SYNGR1: variants seen among roughly 807,000 people sequenced by gnomAD.
SYNGR1 encodes synaptogyrin-1.
SYNGR1 carries 14 observed loss-of-function variants against 26.1 expected under a neutral mutation model. The observed-to-expected ratio is 0.54, with a 90% CI of 0.35 to 0.84. The LOEUF is 0.84. Ranked by LOEUF, SYNGR1 falls within the 40% of genes least tolerant of loss-of-function variation. The pLI is 0.01. For missense variants in SYNGR1, 319 were observed against 332.9 expected, an observed-to-expected ratio of 0.96 and a Z score of 0.33; for synonymous variants, 141 against 150.1, an observed-to-expected ratio of 0.94 and a Z score of 0.44.
intron 1 of SYNGR1, among the ~76,000 whole-genome samples, chr22:39,365,808 C>T (rs991455436): frequency 6.6e-6 from 1 of 151,878 alleles, no homozygotes; most frequent in Non-Finnish European, 1.5e-5. Context: ...CTAAACCCCA[C>T]GACTTCCTCC....
In SYNGR1 at chr22:39,382,743, G is replaced by A. The variant is rs141080074; in HGVS notation, c.*829G>A. ...CTCCCCTGGGGACAGCCCCACCTCCGGGTCCCTCCACCCACATCCCCCTGG... is the reference window on the plus strand; with the variant it reads ...CTCCCCTGGGGACAGCCCCACCTCCAGGTCCCTCCACCCACATCCCCCTGG... On this transcript the variant is annotated 3_prime_UTR_variant, in exon 4 of 4. Coordinates refer to ENST00000328933, the MANE Select transcript of SYNGR1 (RefSeq NM_004711.5). The A allele has an allele frequency of 1.1e-3, 162 of 153,116 alleles. No homozygotes were observed. The highest frequency in any genetic ancestry group is 2.0e-3 in the Admixed American group (30 of 15,306). The allele number at this position is 153,116 out of a possible 1,614,324, so 9.5% of individuals were successfully genotyped here. A position where few individuals can be genotyped will look rare whatever the true frequency, so the allele number is the denominator to read the frequency against.
At chr22:39,380,934 A>G (rs1213569889) in intron 3 of SYNGR1, among the ~76,000 whole-genome samples, 1 of 151,880 alleles carries the variant, frequency 6.6e-6, no homozygotes, top group East Asian at 1.9e-4. Context: ...CCTGCTTTCA[A>G]GAAGAAGATC....
chr22:39,356,683 G>A (rs1199629648), intron 1 of SYNGR1, among the ~76,000 whole-genome samples: 2 of 152,152 alleles, frequency 1.3e-5, no homozygotes, highest in Admixed American at 6.5e-5. Context: ...CACCCAGACC[G>A]GAAGAACCAG....
intron 3 of SYNGR1, among the ~76,000 whole-genome samples, chr22:39,381,126 T>C (rs1001295851): frequency 6.6e-6 from 1 of 152,190 alleles, no homozygotes; most frequent in Non-Finnish European, 1.5e-5. Context: ...CCAGGCATCT[T>C]TCATTCCTAC....
At chr22:39,352,053 GAGGCCA>G (rs1440120266) in intron 1 of SYNGR1, among the ~76,000 whole-genome samples, 1 of 152,208 alleles carries the variant, frequency 6.6e-6, no homozygotes, top group African/African-American at 2.4e-5. Flanking sequence ...CTCAGCGAGC[GAGGCCA>G]AGTGCCTGGC....
At chr22:39,373,423 C>G (rs940748765) in intron 1 of SYNGR1, among the ~76,000 whole-genome samples, 1 of 152,138 alleles carries the variant, frequency 6.6e-6, no homozygotes, top group Non-Finnish European at 1.5e-5. Flanking sequence ...GCCTCTGCCT[C>G]CCAAAGTGCT....
intron 3 of SYNGR1, 64 bp downstream of exon 3, chr22:39,376,261 G>A: frequency 1.2e-6 from 2 of 1,612,186 alleles, no homozygotes; most frequent in East Asian, 2.2e-5. Flanking sequence ...CCCTGGATGG[G>A]TGGCCTTTCG....
intron 1 of SYNGR1, among the ~76,000 whole-genome samples, chr22:39,362,015 CT>C (rs377714031): frequency 0.013 from 1,746 of 139,628 alleles, 38 homozygotes; most frequent in African/African-American, 0.045. Context: ...CCTTTCTCTC[CT>C]TTTTTTTTTT....
chr22:39,381,874 TCGACAC>T lies in SYNGR1; in HGVS notation c.666_671del (p.Asp222_Thr223del). ...ACCTACCAGCAGCCGGCCAACACCTTCGACACCGAGCCCCAGGGCTACCAGTCGCAG... is the reference window on the plus strand; with the variant it reads ...ACCTACCAGCAGCCGGCCAACACCTTCGAGCCCCAGGGCTACCAGTCGCAG... On this transcript the variant is annotated inframe_deletion, in exon 4 of 4. Coordinates refer to ENST00000328933, the MANE Select transcript of SYNGR1 (RefSeq NM_004711.5). The T allele has an allele frequency of 6.2e-7, 1 of 1,612,712 alleles. No homozygotes were observed. The highest frequency in any genetic ancestry group is 8.5e-7 in the Non-Finnish European group (1 of 1,179,858).
At chr22:39,376,972 C>T in intron 3 of SYNGR1, 1 of 1,550,414 alleles carries the variant, frequency 6.4e-7, no homozygotes, top group Non-Finnish European at 8.7e-7. Context: ...TCCCACTGGT[C>T]TGGGTCATGT....
chr22:39,361,267 C>T (rs1284259506), intron 1 of SYNGR1, among the ~76,000 whole-genome samples: 1 of 151,886 alleles, frequency 6.6e-6, no homozygotes, highest in Non-Finnish European at 1.5e-5. Context: ...GGAGAGAAAC[C>T]AAACAACCTC....
At chr22:39,374,741 C>T in intron 2 of SYNGR1, 188 bp downstream of exon 2, 1 of 649,472 alleles carries the variant, frequency 1.5e-6, no homozygotes, top group Non-Finnish European at 2.7e-6. Context: ...CCTGGGACCC[C>T]AAAATAACCC....
intron 3 of SYNGR1, chr22:39,378,108 T>C (rs1925369194): frequency 1.7e-6 from 2 of 1,172,668 alleles, no homozygotes; most frequent in Non-Finnish European, 2.1e-6. Context: ...TGCAGAGCAA[T>C]AGCCTCTCCC....
chr22:39,358,488 C>T (rs998493348), intron 1 of SYNGR1, among the ~76,000 whole-genome samples: 1 of 152,196 alleles, frequency 6.6e-6, no homozygotes. Flanking sequence ...TGAGCTGTAA[C>T]ACTCACCGCG....
intron 1 of SYNGR1, among the ~76,000 whole-genome samples, chr22:39,352,283 C>T (rs1167318629): frequency 6.6e-6 from 1 of 152,198 alleles, no homozygotes; most frequent in African/African-American, 2.4e-5. Flanking sequence ...GCGCTCACTA[C>T]CTTTGTCGAA....
Position 39,384,821 on chromosome 22 carries a change from A to G in SYNGR1, c.*2907A>G, listed in dbSNP as rs1330713779. ...AGTGTAGAGTCGCAAGGACGCTTAG[A>G]GTCGGCAGAGTCTGGGGTAGGGAGA... On this transcript the variant is annotated 3_prime_UTR_variant, in exon 4 of 4. Transcript: ENST00000328933. 1 of 398,900 alleles carries G rather than the reference A, an allele frequency of 2.5e-6. No individual in the cohort carries two copies. Among genetic ancestry groups the G allele is most frequent in the African/African-American group, 2.1e-5 (1 of 48,592 alleles). 24.7% of individuals were successfully genotyped at this position (398,900 alleles called of 1,614,324 possible).
chr22:39,360,042 T>G (rs1225427075), intron 1 of SYNGR1, among the ~76,000 whole-genome samples: 1 of 152,134 alleles, frequency 6.6e-6, no homozygotes, highest in African/African-American at 2.4e-5. Context: ...GTGTTGCAGC[T>G]CCAGCCCTTC....
At chr22:39,378,209 A>G (rs913422795) in intron 3 of SYNGR1, 8 of 1,076,458 alleles carry the variant, frequency 7.4e-6, no homozygotes, top group Non-Finnish European at 9.0e-6. Flanking sequence ...CTCTGTCCTC[A>G]TGTGCTATGT....
intron 3 of SYNGR1, chr22:39,377,726 C>T (rs1925352624): frequency 6.2e-7 from 1 of 1,607,132 alleles, no homozygotes; most frequent in Non-Finnish European, 8.5e-7. Context: ...AGCCCTGTAT[C>T]ACCCCTGGCA....
Sources: allele counts gnomAD v4.1 joint callset (sites outside exome capture counted in the v4.1 genomes callset), GRCh38; gene constraint gnomAD v4.1.1; transcripts MANE v1.5; gene names NCBI Gene and HGNC (gene_info 2026-07-23, HGNC 2026-07-21).